RYR3: variants seen among roughly 807,000 people sequenced by gnomAD.
RYR3 encodes brain ryanodine receptor-calcium release channel.
Under a neutral mutation model 584.3 loss-of-function variants are expected in RYR3, and 207 were observed. The observed-to-expected ratio is 0.35, with a 90% CI of 0.32 to 0.40. The LOEUF (loss-of-function observed/expected upper bound fraction) is 0.40, where lower values mean the gene tolerates loss of function less well. Ranked by LOEUF, RYR3 falls within the 10% of genes least tolerant of loss-of-function variation. The probability of loss-of-function intolerance (pLI) is 1.00; values close to 1 mark genes in which losing one functional copy is unlikely to be tolerated. For synonymous variants in RYR3, 2,416 were observed against 2,248.5 expected, an observed-to-expected ratio of 1.07 and a Z score of -2.11; for missense variants, 5,616 against 6,089.2, an observed-to-expected ratio of 0.92 and a Z score of 2.59.
At chr15:33,478,847 C>G (rs186507407) in intron 2 of RYR3, among the ~76,000 whole-genome samples, 1 of 152,114 alleles carries the variant, frequency 6.6e-6, no homozygotes, top group Admixed American at 6.5e-5. Flanking sequence ...TAAGTTTCAA[C>G]AGACCAAGGT....
chr15:33,678,651 A>G (rs1267799990), intron 38 of RYR3, among the ~76,000 whole-genome samples: 1 of 152,238 alleles, frequency 6.6e-6, no homozygotes, highest in Non-Finnish European at 1.5e-5. Flanking sequence ...ATATAGAAAG[A>G]TAGAAGTGTA....
intron 1 of RYR3, among the ~76,000 whole-genome samples, chr15:33,344,047 A>C (rs187157141): frequency 6.6e-6 from 1 of 152,340 alleles, no homozygotes; most frequent in Non-Finnish European, 1.5e-5. Flanking sequence ...TCGCAAGCTT[A>C]AATTCAAAAA....
At chr15:33,473,908 C>G (rs1341917993) in intron 2 of RYR3, among the ~76,000 whole-genome samples, 4 of 152,130 alleles carry the variant, frequency 2.6e-5, no homozygotes, top group Non-Finnish European at 4.4e-5. Context: ...TGTTCTATTG[C>G]TACAGAGACT....
At chr15:33,318,387 A>G (rs1234831799) in intron 1 of RYR3, among the ~76,000 whole-genome samples, 1 of 152,246 alleles carries the variant, frequency 6.6e-6, no homozygotes, top group African/African-American at 2.4e-5. Context: ...CACTGTCTCA[A>G]GAAATTCCCC....
chr15:33,552,722 C>G (rs1229860447), intron 10 of RYR3, among the ~76,000 whole-genome samples: 1 of 152,154 alleles, frequency 6.6e-6, no homozygotes, highest in African/African-American at 2.4e-5. Context: ...GCACCTTAGA[C>G]TGTGAAGCTG....
rs1296404410 is a variant in RYR3, at chr15:33,827,238, C to T, written c.11285C>T (p.Thr3762Ile). 2 of 1,552,500 alleles carry T rather than the reference C, an allele frequency of 1.3e-6. No homozygotes were observed. Among genetic ancestry groups the T allele is most frequent in the Admixed American group, 2.0e-5 (1 of 51,046 alleles). ...CTGCGGACTCAGATGGGCAACACCA[C>T]CACCGTGAATGTCATCATCAGCACT... ...NFLRTQMGNT[T>I]TVNVIISTVD... is the part of the protein sequence containing the mutation. The change falls in exon 85 of 104, where the codon ACC (threonine) becomes ATC (isoleucine). Residue 3762 changes from threonine to isoleucine, a missense_variant. Coordinates refer to ENST00000634891, the MANE Select transcript of RYR3 (RefSeq NM_001036.6).
At chr15:33,478,868 G>A (rs571694705) in intron 2 of RYR3, among the ~76,000 whole-genome samples, 2 of 152,218 alleles carry the variant, frequency 1.3e-5, no homozygotes, top group African/African-American at 4.8e-5. Flanking sequence ...TTGTTTCATT[G>A]ATTTTAAGGA....
chr15:33,677,578 C>T (rs1054205483), intron 38 of RYR3, among the ~76,000 whole-genome samples: 32 of 152,100 alleles, frequency 2.1e-4, no homozygotes, highest in African/African-American at 7.5e-4. Flanking sequence ...TGGATGAAAC[C>T]CCTTGGGACT....
chr15:33,373,675 A>G (rs561545994), intron 1 of RYR3, among the ~76,000 whole-genome samples: 1 of 152,256 alleles, frequency 6.6e-6, no homozygotes, highest in African/African-American at 2.4e-5. Flanking sequence ...CTTGATTTTT[A>G]TGTTCTGATG....
chr15:33,623,990 C>T lies in RYR3; in HGVS notation c.2541C>T (p.Ala847=). Residue 847 remains alanine, a synonymous_variant, in exon 20 of 104, where the codon GCC becomes GCT. Coordinates refer to ENST00000634891, the MANE Select transcript of RYR3 (RefSeq NM_001036.6). ...LLGTTQFLSQ[A]SFIPCPVDTS... is the part of the protein sequence containing the mutation. ...GTACCACCCAGTTCCTCTCCCAAGCCTCTTTCATCCCATGCCCCGTAGACA... is the reference window on the plus strand; with the variant it reads ...GTACCACCCAGTTCCTCTCCCAAGCTTCTTTCATCCCATGCCCCGTAGACA... 1 of 1,613,920 alleles carries T rather than the reference C, an allele frequency of 6.2e-7. No individual in the cohort carries two copies. Among genetic ancestry groups the T allele is most frequent in the Non-Finnish European group, 8.5e-7 (1 of 1,179,828 alleles).
chr15:33,787,078 A>G (rs954904937), intron 66 of RYR3, among the ~76,000 whole-genome samples: 4 of 152,228 alleles, frequency 2.6e-5, no homozygotes, highest in African/African-American at 9.6e-5. Flanking sequence ...AGGTGCGCAG[A>G]GGGAAAGTGT....
intron 1 of RYR3, among the ~76,000 whole-genome samples, chr15:33,375,280 C>G (rs571565828): frequency 3.3e-5 from 5 of 152,248 alleles, no homozygotes; most frequent in African/African-American, 1.2e-4. Context: ...TCAGAAATAG[C>G]AATTATTGTT....
chr15:33,544,191 C>G (rs1458098442), intron 8 of RYR3, among the ~76,000 whole-genome samples: 1 of 152,094 alleles, frequency 6.6e-6, no homozygotes, highest in South Asian at 2.1e-4. Flanking sequence ...ATACTTGACC[C>G]CTTCATGAAT....
At chr15:33,436,205 C>T (rs2045714612) in intron 1 of RYR3, among the ~76,000 whole-genome samples, 1 of 152,100 alleles carries the variant, frequency 6.6e-6, no homozygotes, top group Non-Finnish European at 1.5e-5. Flanking sequence ...CCTCCTTGTG[C>T]AATATCTTTG....
chr15:33,608,202 C>T (rs886075081), intron 18 of RYR3, among the ~76,000 whole-genome samples: 5 of 152,176 alleles, frequency 3.3e-5, no homozygotes, highest in African/African-American at 9.7e-5. Context: ...AGTTGAGCCT[C>T]TAGTAAAATC....
chr15:33,471,981 C>T (rs901119548), intron 1 of RYR3, among the ~76,000 whole-genome samples: 1 of 152,166 alleles, frequency 6.6e-6, no homozygotes, highest in African/African-American at 2.4e-5. Flanking sequence ...AAATTTCACT[C>T]TCTTCAGAGA....
intron 16 of RYR3, among the ~76,000 whole-genome samples, chr15:33,598,020 G>C (rs1282130836): frequency 1.3e-5 from 2 of 151,648 alleles, no homozygotes; most frequent in Non-Finnish European, 2.9e-5. Context: ...CAACTCAAGT[G>C]AAAATCAAAT....
rs181772472 is a variant in RYR3, at chr15:33,534,663, T to C, written c.433+1274T>C. ...AATCTACAGATATTCAAAGTTGTAA[T>C]ATCAAACAAGATGCTGACTTGCTGG... On this transcript the variant is annotated intron_variant, in intron 5 of 103. Transcript: ENST00000634891. Among the ~76,000 whole-genome samples the C allele has an allele frequency of 5.6e-4, 86 of 152,316 alleles. 1 individual carries two copies. Among genetic ancestry groups the C allele is most frequent in the Admixed American group, 3.1e-3 (48 of 15,302 alleles).
intron 4 of RYR3, among the ~76,000 whole-genome samples, chr15:33,531,198 A>T (rs2054834939): frequency 6.6e-6 from 1 of 152,196 alleles, no homozygotes; most frequent in African/African-American, 2.4e-5. Context: ...GGAAGACAAG[A>T]GGCAAGGTAG....
Sources: allele counts gnomAD v4.1 joint callset (sites outside exome capture counted in the v4.1 genomes callset), GRCh38; gene constraint gnomAD v4.1.1; transcripts MANE v1.5; gene names NCBI Gene and HGNC (gene_info 2026-07-23, HGNC 2026-07-21).